Variants in EHBP1 observed in about 807,000 individuals in gnomAD.
The protein encoded by EHBP1 is EH domain binding protein 1.
EHBP1 carries 55 observed loss-of-function variants against 144.0 expected under a neutral mutation model. The ratio of observed to expected loss-of-function variants is 0.38; its 90% CI spans 0.31 to 0.48. The LOEUF is 0.48. Ranked by LOEUF, EHBP1 falls within the 20% of genes least tolerant of loss-of-function variation. The pLI, the probability that EHBP1 is intolerant of heterozygous loss-of-function variation, is 0.98. For missense variants in EHBP1, 1,200 were observed against 1,364.2 expected (o/e 0.88, Z 1.90); for synonymous variants, 469 against 472.7 (o/e 0.99, Z 0.10).
In EHBP1 at chr2:62,892,771, C is replaced by T. The variant is rs538301147; in HGVS notation, c.1185+18239C>T. On this transcript the variant is annotated intron_variant, in intron 10 of 22. Transcript: ENST00000431489. ...CCTCAATAGTGTTTCCAATAGAGCT[C>T]CTCTAATTTTTTGGAAAGAAAAAAT... Among the ~76,000 whole-genome samples the T allele has an allele frequency of 2.0e-4, 30 of 152,092 alleles. 1 individual carries two copies. The highest frequency in any genetic ancestry group is 6.7e-4 in the African/African-American group (28 of 41,522).
Position 62,948,000 on chromosome 2 carries a change from C to T in EHBP1, c.1414-260C>T, listed in dbSNP as rs543208641. Among the ~76,000 whole-genome samples the T allele has an allele frequency of 1.6e-3, 237 of 152,236 alleles. 1 individual carries two copies. Among genetic ancestry groups the T allele is most frequent in the African/African-American group, 5.4e-3 (225 of 41,546 alleles). On this transcript the variant is annotated intron_variant, in intron 12 of 22. Coordinates refer to ENST00000431489, the MANE Select transcript of EHBP1 (RefSeq NM_001142616.3). Reference sequence around the variant, plus strand: ...GTTCCTTATCTTAAAAATCCATTCTCAGAGTTTTAAAAAATTTAACTCTCA... The same window carrying T: ...GTTCCTTATCTTAAAAATCCATTCTTAGAGTTTTAAAAAATTTAACTCTCA...
intron 10 of EHBP1, among the ~76,000 whole-genome samples, chr2:62,920,796 G>A (rs963599689): frequency 1.3e-5 from 2 of 152,050 alleles, no homozygotes; most frequent in African/African-American, 4.8e-5. Context: ...CCGAGTAGCT[G>A]CGATTACAGG....
intron 8 of EHBP1, among the ~76,000 whole-genome samples, chr2:62,864,385 G>T (rs912547809): frequency 6.6e-6 from 1 of 152,112 alleles, no homozygotes; most frequent in Non-Finnish European, 1.5e-5. Flanking sequence ...TACAATAAAA[G>T]AATATAATTT....
chr2:62,926,015 A>G (rs1049044645), intron 10 of EHBP1, among the ~76,000 whole-genome samples: 1 of 152,220 alleles, frequency 6.6e-6, no homozygotes, highest in Admixed American at 6.5e-5. Context: ...TGACAAAACT[A>G]TTCTTACCAA....
Position 62,858,342 on chromosome 2 carries a change from C to T in EHBP1, c.635-827C>T, listed in dbSNP as rs977462311. On this transcript the variant is annotated intron_variant, in intron 7 of 22. Coordinates refer to ENST00000431489, the MANE Select transcript of EHBP1 (RefSeq NM_001142616.3). ...CTTTGTCTTTTTGGGTAACAGCATGCTCCTACTTCTCTTTAATTAAATGAC... is the reference window on the plus strand; with the variant it reads ...CTTTGTCTTTTTGGGTAACAGCATGTTCCTACTTCTCTTTAATTAAATGAC... 7 of 1,058,832 alleles carry T rather than the reference C, an allele frequency of 6.6e-6. No individual in the cohort carries two copies. In the Admixed American group the frequency reaches 1.1e-4, roughly 17 times the overall value. 65.6% of individuals were successfully genotyped at this position (1,058,832 alleles called of 1,614,324 possible).
At chr2:63,015,458 A>C (rs1307344206) in intron 19 of EHBP1, among the ~76,000 whole-genome samples, 1 of 152,184 alleles carries the variant, frequency 6.6e-6, no homozygotes, top group African/African-American at 2.4e-5. Context: ...GGATTCGTGT[A>C]ATAACATGTC....
intron 2 of EHBP1, among the ~76,000 whole-genome samples, chr2:62,738,487 A>G (rs2038369783): frequency 1.3e-5 from 2 of 152,136 alleles, no homozygotes; most frequent in Admixed American, 1.3e-4. Context: ...ATCCCCCTCA[A>G]ACAGTTAAAC....
chr2:62,920,056 G>A (rs533984959), intron 10 of EHBP1, among the ~76,000 whole-genome samples: 3 of 152,254 alleles, frequency 2.0e-5, no homozygotes, highest in African/African-American at 7.2e-5. Flanking sequence ...GAGAAAGGGA[G>A]AGATAATATT....
chr2:62,982,073 T>TAGGTCTCCTCTGGCCTCAAGGTCTAAGCC (rs1475412137), intron 15 of EHBP1, among the ~76,000 whole-genome samples: 8 of 152,216 alleles, frequency 5.3e-5, no homozygotes, highest in Non-Finnish European at 1.2e-4. Context: ...CGGAATAGAC[T>TAGGTCTCCTCTGGCCTCAAGGTCTAAGCC]AGGTCTCCTC....
In EHBP1 at chr2:62,819,770, AC is replaced by A. The variant is rs1336094926; in HGVS notation, c.313-6316del. ...CAGAGCGAGACTCCAGCTCAAAAAA[AC>A]AAAAAAAAAAAAACCCGCGACAACC... is the stretch of plus-strand genomic sequence containing the variant. On this transcript the variant is annotated intron_variant, in intron 5 of 22. Transcript: ENST00000431489. 5.1e-4 allele frequency among the ~76,000 whole-genome samples: 76 copies of A among 148,566 alleles called. 1 individual carries two copies. The highest frequency in any genetic ancestry group is 1.7e-3 in the African/African-American group (69 of 41,234).
chr2:63,003,997 G>A (rs1010635508), intron 19 of EHBP1, among the ~76,000 whole-genome samples: 1 of 151,936 alleles, frequency 6.6e-6, no homozygotes, highest in African/African-American at 2.4e-5. Flanking sequence ...TGTATCTGTT[G>A]TTTTAAACTG....
chr2:62,932,558 C>T (rs1240638563), intron 10 of EHBP1, among the ~76,000 whole-genome samples: 3 of 152,118 alleles, frequency 2.0e-5, no homozygotes, highest in African/African-American at 7.2e-5. Context: ...GGGGCAGAGA[C>T]TTGTTTAATG....
intron 11 of EHBP1, 32 bp downstream of exon 11, chr2:62,942,928 T>A (rs2056845374): frequency 1.4e-6 from 2 of 1,436,904 alleles, no homozygotes; most frequent in East Asian, 4.8e-5. Flanking sequence ...TCCCTATATT[T>A]TGTAAGTGAT....
At chr2:62,957,094 A>G (rs935788154) in intron 14 of EHBP1, among the ~76,000 whole-genome samples, 1 of 152,250 alleles carries the variant, frequency 6.6e-6, no homozygotes, top group African/African-American at 2.4e-5. Context: ...TAAAAATCCT[A>G]TAGAAAATAT....
At position 62,858,392 on chromosome 2, in the gene EHBP1, G is replaced by A. The variant is rs771013495; in HGVS notation, c.635-777G>A. ...CCTTACCTTATATTTGTCTTGACTG[G>A]CTTCTGTTTACAGAAATTGTAAACC... is the stretch of plus-strand genomic sequence containing the variant. On this transcript the variant is annotated intron_variant, in intron 7 of 22. Transcript: ENST00000431489. 1.3e-5 allele frequency: 21 copies of A among 1,562,518 alleles called. No homozygotes were observed. The Admixed American group carries it at 3.4e-4, about 25-fold the overall frequency.
chr2:63,010,933 A>G (rs777425733), intron 19 of EHBP1, among the ~76,000 whole-genome samples: 1 of 151,742 alleles, frequency 6.6e-6, no homozygotes, highest in African/African-American at 2.4e-5. Flanking sequence ...TCTTTGTACC[A>G]GTATGCAAAT....
At chr2:62,967,394 G>A (rs1259172858) in intron 14 of EHBP1, among the ~76,000 whole-genome samples, 1 of 152,134 alleles carries the variant, frequency 6.6e-6, no homozygotes, top group African/African-American at 2.4e-5. Context: ...TGGATTTGTA[G>A]GAATAACAGC....
intron 2 of EHBP1, among the ~76,000 whole-genome samples, chr2:62,717,379 C>A (rs1325771487): frequency 6.6e-6 from 1 of 152,190 alleles, no homozygotes; most frequent in Non-Finnish European, 1.5e-5. Flanking sequence ...AAAAGAGCCA[C>A]TGAACTTGTT....
In EHBP1 at chr2:62,705,792, C is replaced by T; in HGVS notation, c.-556C>T. ...GGGGGAGGGGGTGCTGGGCGCTGAG[C>T]GGTGGCTCTGGCAGGGCTTGGTAGG... On this transcript the variant is annotated 5_prime_UTR_variant, in exon 1 of 23. Transcript: ENST00000431489. 1.1e-5 allele frequency: 1 copy of T among 87,890 alleles called. No homozygotes were observed. The highest frequency in any genetic ancestry group is 2.2e-5 in the Non-Finnish European group (1 of 46,400). 5.4% of individuals were successfully genotyped at this position (87,890 alleles called of 1,614,324 possible).
Sources: gnomAD v4.1 joint callset for allele counts (sites outside exome capture counted in the v4.1 genomes callset) on GRCh38, gnomAD v4.1.1 for gene constraint, MANE v1.5 for transcripts, NCBI Gene and HGNC (gene_info 2026-07-23, HGNC 2026-07-21) for gene names.